Variants in CTDSPL2 observed in about 807,000 individuals in gnomAD.
CTDSPL2 encodes CTD small phosphatase like 2, also known as CTD small phosphatase-like protein 2.
Under a neutral mutation model 60.0 loss-of-function variants are expected in CTDSPL2, and 5 were observed. The observed-to-expected ratio is 0.08, with a 90% CI of 0.04 to 0.18. The LOEUF is 0.18. Among genes scored for constraint, CTDSPL2 ranks in the 10% least tolerant of loss-of-function variants. The pLI is 1.00. For missense variants in CTDSPL2, 370 were observed against 548.8 expected (o/e 0.67, Z 3.26); for synonymous variants, 186 against 189.3 (o/e 0.98, Z 0.14).
intron 2 of CTDSPL2, among the ~76,000 whole-genome samples, chr15:44,460,824 C>A (rs886886253): frequency 6.6e-6 from 1 of 152,090 alleles, no homozygotes; most frequent in Non-Finnish European, 1.5e-5. Context: ...TATCATATAA[C>A]AAAGATGAAA....
rs141605969 is a variant in CTDSPL2 at position 44,448,224 on chromosome 15, C to T, written c.-24-10767C>T. On this transcript the variant is annotated intron_variant, in intron 1 of 12. Coordinates refer to ENST00000260327, the MANE Select transcript of CTDSPL2 (RefSeq NM_016396.3). ...TGAGGCTGAAGCCCATGCCGGCACC[C>T]ATGTGCTCCAGGCCGGAGCCACTGC... The T allele has an allele frequency of 1.7e-4, 50 of 299,242 alleles. No individual in the cohort carries two copies. The East Asian group carries it at 4.6e-3, about 27-fold the overall frequency. The allele number at this position is 299,242 out of a possible 1,614,324, so 18.5% of individuals were successfully genotyped here. A position where few individuals can be genotyped will look rare whatever the true frequency, so the allele number is the denominator to read the frequency against.
intron 8 of CTDSPL2, among the ~76,000 whole-genome samples, chr15:44,501,159 G>A (rs1265857926): frequency 6.6e-6 from 1 of 151,928 alleles, no homozygotes; most frequent in Non-Finnish European, 1.5e-5. Context: ...AACCTTGTTG[G>A]GGTTTTTCTT....
rs755068553 is a variant in CTDSPL2 at position 44,527,167 on chromosome 15, T to C, written c.*2993T>C. ...GCTTTATCTGTTTCCCAAAATTTGT[T>C]TGGGATTTGTTGAAAGCATTGTGTA... On this transcript the variant is annotated 3_prime_UTR_variant, in exon 13 of 13. Coordinates refer to ENST00000260327, the MANE Select transcript of CTDSPL2 (RefSeq NM_016396.3). 10 of 152,586 alleles carry C rather than the reference T, an allele frequency of 6.6e-5. No individual in the cohort carries two copies. Among genetic ancestry groups the C allele is most frequent in the Non-Finnish European group, 1.2e-4 (8 of 67,996 alleles). The allele number at this position is 152,586 out of a possible 1,614,324, so 9.5% of individuals were successfully genotyped here.
intron 6 of CTDSPL2, among the ~76,000 whole-genome samples, chr15:44,496,751 T>G (rs557757369): frequency 6.6e-6 from 1 of 152,130 alleles, no homozygotes; most frequent in South Asian, 2.1e-4. Context: ...GTCCCAGCTA[T>G]TAGGGAAGGT....
chr15:44,451,187 C>T (rs2080328047), intron 1 of CTDSPL2, among the ~76,000 whole-genome samples: 1 of 152,142 alleles, frequency 6.6e-6, no homozygotes, highest in South Asian at 2.1e-4. Flanking sequence ...GCAGCCTCAG[C>T]TTCTCAGGCT....
intron 8 of CTDSPL2, among the ~76,000 whole-genome samples, chr15:44,501,172 T>C (rs1567096069): frequency 6.6e-6 from 1 of 152,086 alleles, no homozygotes; most frequent in Non-Finnish European, 1.5e-5. Flanking sequence ...TTTTTCTTTG[T>C]TTTTTGCTTT....
Position 44,459,156 on chromosome 15 carries a change from T to C in CTDSPL2, c.142T>C (p.Leu48=), listed in dbSNP as rs760454042. 6.2e-7 allele frequency: 1 copy of C among 1,611,374 alleles called. No individual in the cohort carries two copies. The highest frequency in any genetic ancestry group is 1.1e-5 in the South Asian group (1 of 90,700). ...GEKPSKNETG[L]LSSIKKFIKG... ...AAAACCATCGAAGAATGAAACCGGC[T>C]TGTTGTCTTCAATTAAAAAATTTAT... Residue 48 remains leucine, a synonymous_variant, in exon 2 of 13, where the codon TTG becomes CTG. Coordinates refer to ENST00000260327, the MANE Select transcript of CTDSPL2 (RefSeq NM_016396.3).
chr15:44,505,035 A>G (rs1329324711), intron 8 of CTDSPL2, among the ~76,000 whole-genome samples: 1 of 152,220 alleles, frequency 6.6e-6, no homozygotes, highest in Non-Finnish European at 1.5e-5. Flanking sequence ...GAAAAGATAC[A>G]AATGAAACCA....
chr15:44,518,922 A>G, intron 10 of CTDSPL2: 1 of 247,012 alleles, frequency 4.0e-6, no homozygotes. Context: ...ATTTAATAAT[A>G]ACATTTTGGG....
At chr15:44,489,145 C>A (rs1470652050) in intron 4 of CTDSPL2, among the ~76,000 whole-genome samples, 16 of 147,580 alleles carry the variant, frequency 1.1e-4, no homozygotes, top group Non-Finnish European at 4.5e-5. Context: ...CCCTCCCCCC[C>A]ACCTACCTCC....
At chr15:44,485,100 C>T (rs1295210103) in intron 3 of CTDSPL2, among the ~76,000 whole-genome samples, 1 of 152,144 alleles carries the variant, frequency 6.6e-6, no homozygotes, top group Admixed American at 6.6e-5. Flanking sequence ...TTGTCAATAT[C>T]TAGAGACCTT....
chr15:44,454,621 A>T (rs2080396983), intron 1 of CTDSPL2, among the ~76,000 whole-genome samples: 1 of 152,220 alleles, frequency 6.6e-6, no homozygotes, highest in African/African-American at 2.4e-5. Flanking sequence ...TAAGCAAGGG[A>T]TCCAGTTTCA....
chr15:44,466,675 T>C (rs1227185394), intron 2 of CTDSPL2, among the ~76,000 whole-genome samples: 1 of 152,018 alleles, frequency 6.6e-6, no homozygotes, highest in Non-Finnish European at 1.5e-5. Context: ...CCGGGCGCGG[T>C]GGCTCATGCC....
At chr15:44,451,206 C>G (rs2080328525) in intron 1 of CTDSPL2, among the ~76,000 whole-genome samples, 2 of 152,068 alleles carry the variant, frequency 1.3e-5, no homozygotes. Context: ...CTCAAGTGAT[C>G]TTCTCTCTCT....
chr15:44,486,761 T>C (rs1595748804), intron 4 of CTDSPL2, 61 bp downstream of exon 4: 4 of 1,111,076 alleles, frequency 3.6e-6, no homozygotes. Context: ...AGTTTGGGTT[T>C]TTTTTTTTTT....
chr15:44,477,839 A>G (rs2080950013), intron 2 of CTDSPL2, among the ~76,000 whole-genome samples: 1 of 142,522 alleles, frequency 7.0e-6, no homozygotes, highest in Non-Finnish European at 1.5e-5. Flanking sequence ...ACGTAGTCTC[A>G]AAAAAAAAAA....
chr15:44,512,162 C>T (rs766573447), intron 8 of CTDSPL2, among the ~76,000 whole-genome samples: 2 of 151,772 alleles, frequency 1.3e-5, no homozygotes, highest in Non-Finnish European at 2.9e-5. Context: ...CACCACTGCA[C>T]TCCAACCTAG....
intron 2 of CTDSPL2, among the ~76,000 whole-genome samples, chr15:44,475,563 T>TG (rs1466659625): frequency 6.7e-6 from 1 of 150,246 alleles, no homozygotes; most frequent in African/African-American, 2.5e-5. Flanking sequence ...CGCTTGAACG[T>TG]GGGAGGTGGA....
At chr15:44,491,410 G>T (rs1188651494) in intron 5 of CTDSPL2, among the ~76,000 whole-genome samples, 2 of 152,088 alleles carry the variant, frequency 1.3e-5, no homozygotes, top group African/African-American at 4.8e-5. Flanking sequence ...CCCAAAAACT[G>T]CTTCTGTTCC....
Sources: allele counts gnomAD v4.1 joint callset (sites outside exome capture counted in the v4.1 genomes callset), GRCh38; gene constraint gnomAD v4.1.1; transcripts MANE v1.5; gene names NCBI Gene and HGNC (gene_info 2026-07-23, HGNC 2026-07-21).